HIVEP3: variants seen among roughly 807,000 people sequenced by gnomAD.
The protein encoded by HIVEP3 is transcription factor HIVEP3.
In HIVEP3, 49 loss-of-function variants were observed where a neutral mutation model predicts 152.8. The observed-to-expected ratio is 0.32, with a 90% CI of 0.26 to 0.41. HIVEP3 has a LOEUF of 0.41. Among genes scored for constraint, HIVEP3 ranks in the 10% least tolerant of loss-of-function variants. HIVEP3 has a pLI of 1.00. For missense variants in HIVEP3, 2,790 were observed against 3,103.3 expected, an observed-to-expected ratio of 0.90 and a Z score of 2.40; for synonymous variants, 1,269 against 1,289.0, an observed-to-expected ratio of 0.98 and a Z score of 0.33.
At chr1:41,896,677 C>A (rs111944959) in intron 1 of HIVEP3, among the ~76,000 whole-genome samples, 66 of 151,530 alleles carry the variant, frequency 4.4e-4, no homozygotes, top group African/African-American at 1.5e-3. Flanking sequence ...CGGGTTCAAG[C>A]GATTCTCCTG....
At chr1:41,798,609 T>C (rs1445240587) in intron 1 of HIVEP3, among the ~76,000 whole-genome samples, 1 of 152,274 alleles carries the variant, frequency 6.6e-6, no homozygotes, top group African/African-American at 2.4e-5. Flanking sequence ...TAGCTGGTTC[T>C]CTTCTGCTGC....
In HIVEP3 at chr1:41,833,177, G is replaced by A. The variant is rs529079079; in HGVS notation, c.-801+85236C>T. ...CCCAAAGCCAATCCAGAATGTACAGGTTCAACAAGTTCAAAGGAGCAAATG... is the reference window on the plus strand; with the variant it reads ...CCCAAAGCCAATCCAGAATGTACAGATTCAACAAGTTCAAAGGAGCAAATG... On this transcript the variant is annotated intron_variant, in intron 1 of 8. Coordinates refer to ENST00000372583, the MANE Select transcript of HIVEP3 (RefSeq NM_024503.5). Among the ~76,000 whole-genome samples, 12 of 152,340 alleles carry A rather than the reference G, an allele frequency of 7.9e-5. No individual in the cohort carries two copies. The South Asian group carries it at 2.3e-3, about 29-fold the overall frequency.
chr1:42,033,073 T>A (rs1357141717), intron 1 of HIVEP3, among the ~76,000 whole-genome samples: 1 of 152,058 alleles, frequency 6.6e-6, no homozygotes, highest in East Asian at 1.9e-4. Flanking sequence ...GCAGAGGGAT[T>A]TATCCACTGG....
At chr1:41,668,859 C>T (rs1645833177) in intron 2 of HIVEP3, among the ~76,000 whole-genome samples, 1 of 152,134 alleles carries the variant, frequency 6.6e-6, no homozygotes, top group Admixed American at 6.5e-5. Flanking sequence ...GTCTGGTGCC[C>T]CTACTAGGTT....
intron 1 of HIVEP3, among the ~76,000 whole-genome samples, chr1:42,023,044 A>G (rs1234730931): frequency 6.6e-6 from 1 of 151,904 alleles, no homozygotes. Context: ...TTATTTATTT[A>G]TTTTGACATA....
chr1:41,585,289 C>T lies in HIVEP3; in HGVS notation c.-492G>A, dbSNP rs561786878. ...CCTTTAGTTCTGGGTTGGAGATCAA[C>T]GGCCTTGGAGGAGAAATCACGCTCT... On this transcript the variant is annotated 5_prime_UTR_variant, in exon 4 of 9. Transcript: ENST00000372583. 40 of 399,030 alleles carry T rather than the reference C, an allele frequency of 1.0e-4. No individual in the cohort carries two copies. Among genetic ancestry groups the T allele is most frequent in the East Asian group, 1.0e-3 (28 of 28,062 alleles). 24.7% of individuals were successfully genotyped at this position (399,030 alleles called of 1,614,324 possible).
intron 1 of HIVEP3, among the ~76,000 whole-genome samples, chr1:41,727,263 G>C (rs1258639683): frequency 6.6e-6 from 1 of 152,224 alleles, no homozygotes; most frequent in Admixed American, 6.5e-5. Context: ...GCCCAGAGAG[G>C]CTAAGCAGGG....
At chr1:41,732,071 T>C (rs1408576710) in intron 1 of HIVEP3, among the ~76,000 whole-genome samples, 1 of 151,936 alleles carries the variant, frequency 6.6e-6, no homozygotes, top group Non-Finnish European at 1.5e-5. Flanking sequence ...GGCTGTGGCA[T>C]GTGGTGGGGA....
At chr1:41,958,549 G>A (rs529434705) in intron 1 of HIVEP3, among the ~76,000 whole-genome samples, 5 of 152,282 alleles carry the variant, frequency 3.3e-5, no homozygotes, top group East Asian at 3.9e-4. Context: ...GAGCAGGGCC[G>A]GGGGTCACAA....
chr1:41,554,700 G>C (rs561562986), intron 5 of HIVEP3, among the ~76,000 whole-genome samples: 57 of 152,174 alleles, frequency 3.7e-4, no homozygotes, highest in Non-Finnish European at 6.6e-4. Context: ...TGTTGATGTT[G>C]ATGCTATTCC....
chr1:41,539,247 C>T (rs1425760436), intron 5 of HIVEP3, among the ~76,000 whole-genome samples: 5 of 152,054 alleles, frequency 3.3e-5, no homozygotes, highest in African/African-American at 1.2e-4. Flanking sequence ...GCAGCTCCTG[C>T]GACTTCTGGG....
chr1:41,518,409 G>T lies in HIVEP3; in HGVS notation c.5463C>A (p.Ala1821=). The T allele has an allele frequency of 6.2e-7, 1 of 1,614,070 alleles. No homozygotes were observed. The highest frequency in any genetic ancestry group is 8.5e-7 in the Non-Finnish European group (1 of 1,179,924). Residue 1821 remains alanine, a synonymous_variant, in exon 7 of 9, where the codon GCC becomes GCA. Coordinates refer to ENST00000372583, the MANE Select transcript of HIVEP3 (RefSeq NM_024503.5). ...QETGVLEELE[A]EEGTSDDLFQ... is the part of the protein sequence containing the mutation. The stretch of plus-strand genomic sequence containing the variant: ...AAGGTTGGCAATTGTTACCTTCTTC[G>T]GCTTCCAGCTCCTCCAGCACCCCTG...
intron 1 of HIVEP3, among the ~76,000 whole-genome samples, chr1:41,710,839 G>T (rs1362945040): frequency 6.6e-6 from 1 of 152,202 alleles, no homozygotes; most frequent in African/African-American, 2.4e-5. Context: ...AGCTTCTTAA[G>T]GACCTGATTC....
In HIVEP3 at chr1:41,845,895, C is replaced by T. The variant is rs559762201; in HGVS notation, c.-801+72518G>A. 7.9e-5 allele frequency among the ~76,000 whole-genome samples: 12 copies of T among 152,128 alleles called. No homozygotes were observed. In the South Asian group the frequency reaches 1.9e-3, roughly 24 times the overall value. The stretch of plus-strand genomic sequence containing the variant: ...CAGCCTGGCCAACATGGTGAAACCC[C>T]ATCTCTATGAAAAATACAAAAATTA... On this transcript the variant is annotated intron_variant, in intron 1 of 8. Coordinates refer to ENST00000372583, the MANE Select transcript of HIVEP3 (RefSeq NM_024503.5).
intron 5 of HIVEP3, among the ~76,000 whole-genome samples, chr1:41,540,647 T>G (rs1032468117): frequency 1.3e-5 from 2 of 152,160 alleles, no homozygotes; most frequent in African/African-American, 4.8e-5. Flanking sequence ...AAAACCTGTC[T>G]TTGGACACCT....
At chr1:42,022,836 T>C (rs1645562187) in intron 1 of HIVEP3, among the ~76,000 whole-genome samples, 1 of 152,220 alleles carries the variant, frequency 6.6e-6, no homozygotes, top group Non-Finnish European at 1.5e-5. Flanking sequence ...GTATCTTGGG[T>C]GCTGCAGCTT....
At chr1:41,778,189 G>A (rs780086053) in intron 1 of HIVEP3, among the ~76,000 whole-genome samples, 13 of 152,208 alleles carry the variant, frequency 8.5e-5, no homozygotes, top group African/African-American at 1.9e-4. Context: ...AGCAGAGGGG[G>A]TGCTTGTCAT....
intron 1 of HIVEP3, among the ~76,000 whole-genome samples, chr1:41,765,408 A>G (rs1248713139): frequency 6.6e-6 from 1 of 152,112 alleles, no homozygotes; most frequent in Non-Finnish European, 1.5e-5. Context: ...GTGTCCTGAA[A>G]CTTGGCAGAG....
intron 1 of HIVEP3, among the ~76,000 whole-genome samples, chr1:42,003,123 T>C (rs1440679024): frequency 6.6e-6 from 1 of 152,176 alleles, no homozygotes; most frequent in Non-Finnish European, 1.5e-5. Flanking sequence ...TTGCCCAGGC[T>C]GGAGTACAGT....
Sources: gnomAD v4.1 joint callset for allele counts (sites outside exome capture counted in the v4.1 genomes callset) on GRCh38, gnomAD v4.1.1 for gene constraint, MANE v1.5 for transcripts, NCBI Gene and HGNC (gene_info 2026-07-23, HGNC 2026-07-21) for gene names.